CRTAM: variants seen among roughly 807,000 people sequenced by gnomAD.
CRTAM encodes the protein cytotoxic and regulatory T cell molecule, also known as cytotoxic and regulatory T-cell molecule.
Under a neutral mutation model 50.0 loss-of-function variants are expected in CRTAM, and 44 were observed. The observed-to-expected ratio is 0.88, with a 90% CI of 0.69 to 1.13. The LOEUF is 1.13. Among genes scored for constraint, CRTAM ranks in the 50% most tolerant of loss-of-function variants. The pLI is 0.00. For synonymous variants in CRTAM, 159 were observed against 169.3 expected (o/e 0.94, Z 0.47); for missense variants, 448 against 457.5 (o/e 0.98, Z 0.19).
intron 1 of CRTAM, among the ~76,000 whole-genome samples, chr11:122,846,524 G>C (rs756454523): frequency 2.6e-5 from 4 of 152,046 alleles, no homozygotes; most frequent in African/African-American, 4.8e-5. Context: ...CCTGACCTCA[G>C]GTGATCTGCT....
chr11:122,856,812 C>A (rs1035642531), intron 5 of CRTAM, among the ~76,000 whole-genome samples: 1 of 152,166 alleles, frequency 6.6e-6, no homozygotes, highest in African/African-American at 2.4e-5. Flanking sequence ...CACTTTCTCA[C>A]CAAACCAAAA....
At chr11:122,850,036 G>A (rs1332969817) in intron 1 of CRTAM, 32 bp from the exon 2 acceptor site, 3 of 1,556,794 alleles carry the variant, frequency 1.9e-6, no homozygotes, top group Non-Finnish European at 8.7e-7. Context: ...TGGACCCCCG[G>A]CCTGATCATC....
Position 122,867,562 on chromosome 11 carries a change from G to C in CRTAM, c.964+7G>C. 1 of 1,611,258 alleles carries C rather than the reference G, an allele frequency of 6.2e-7. No homozygotes were observed. The highest frequency in any genetic ancestry group is 1.3e-5 in the African/African-American group (1 of 74,904). On this transcript the variant is annotated splice_region_variant and intron_variant, in intron 8 of 9. Coordinates refer to ENST00000227348, the MANE Select transcript of CRTAM (RefSeq NM_019604.4). ...CATGTGATATGGAAGAAAGGTCAGT[G>C]GGCAGGGAACCTGACGGGGGCTATA...
intron 1 of CRTAM, among the ~76,000 whole-genome samples, chr11:122,844,350 A>G (rs997373457): frequency 1.3e-5 from 2 of 152,258 alleles, no homozygotes; most frequent in Non-Finnish European, 1.5e-5. Flanking sequence ...CACCACTCCC[A>G]TCTTACCCAA....
At chr11:122,842,114 A>G (rs1265089663) in intron 1 of CRTAM, among the ~76,000 whole-genome samples, 1 of 152,252 alleles carries the variant, frequency 6.6e-6, no homozygotes, top group African/African-American at 2.4e-5. Flanking sequence ...GTGGACATGT[A>G]CAAGGACTAT....
chr11:122,862,654 G>A, intron 6 of CRTAM, 110 bp downstream of exon 6: 1 of 692,426 alleles, frequency 1.4e-6, no homozygotes. Flanking sequence ...TTTTTACTAA[G>A]ACCATACAGG....
intron 5 of CRTAM, among the ~76,000 whole-genome samples, chr11:122,861,341 C>A (rs184415726): frequency 8.8e-6 from 1 of 114,136 alleles, no homozygotes; most frequent in Non-Finnish European, 1.7e-5. Flanking sequence ...CCACCTGTGA[C>A]GTGTCAGTAT....
chr11:122,846,020 C>T (rs1347260327), intron 1 of CRTAM, among the ~76,000 whole-genome samples: 1 of 151,936 alleles, frequency 6.6e-6, no homozygotes, highest in Non-Finnish European at 1.5e-5. Context: ...AGAAAAAAAA[C>T]AATGATGGTA....
chr11:122,869,517 G>A (rs1192577013), intron 9 of CRTAM, among the ~76,000 whole-genome samples: 1 of 152,182 alleles, frequency 6.6e-6, no homozygotes, highest in African/African-American at 2.4e-5. Context: ...ATTGTGTATG[G>A]GAAGTGGAGG....
intron 5 of CRTAM, among the ~76,000 whole-genome samples, chr11:122,858,661 C>CT (rs1490412262): frequency 1.3e-5 from 2 of 152,070 alleles, no homozygotes; most frequent in East Asian, 3.9e-4. Context: ...TCCTGGGTAG[C>CT]TGGGACTACA....
rs746797928 is a variant in CRTAM, at chr11:122,871,529, C to T, written c.*130C>T. On this transcript the variant is annotated 3_prime_UTR_variant, in exon 10 of 10. Coordinates refer to ENST00000227348, the MANE Select transcript of CRTAM (RefSeq NM_019604.4). The stretch of plus-strand genomic sequence containing the variant: ...TTAGTGCAATGCAAGATGGTGTCCT[C>T]GGATAATGATCTGCCCCGGAGCTAG... The T allele has an allele frequency of 1.2e-5, 8 of 674,524 alleles. No individual in the cohort carries two copies. The highest frequency in any genetic ancestry group is 1.4e-5 in the Non-Finnish European group (6 of 429,092). The allele number at this position is 674,524 out of a possible 1,614,324, so 41.8% of individuals were successfully genotyped here. A position where few individuals can be genotyped will look rare whatever the true frequency, so the allele number is the denominator to read the frequency against.
At chr11:122,869,779 G>C (rs559064386) in intron 9 of CRTAM, among the ~76,000 whole-genome samples, 1 of 152,312 alleles carries the variant, frequency 6.6e-6, no homozygotes, top group East Asian at 1.9e-4. Context: ...GAACTGAAAA[G>C]AATGAATAGA....
chr11:122,863,450 T>G (rs1862126159), intron 6 of CRTAM, among the ~76,000 whole-genome samples: 1 of 152,198 alleles, frequency 6.6e-6, no homozygotes, highest in African/African-American at 2.4e-5. Context: ...TTCCTACATA[T>G]TCTCTTTCCA....
At chr11:122,843,046 T>C (rs780662180) in intron 1 of CRTAM, among the ~76,000 whole-genome samples, 18 of 152,184 alleles carry the variant, frequency 1.2e-4, no homozygotes, top group Non-Finnish European at 2.1e-4. Flanking sequence ...TGATAGTCTA[T>C]AGTAGAGGTA....
intron 3 of CRTAM, among the ~76,000 whole-genome samples, chr11:122,853,197 A>G (rs537798118): frequency 2.6e-5 from 4 of 151,754 alleles, no homozygotes; most frequent in African/African-American, 9.7e-5. Context: ...CCTCCCGAGT[A>G]GCTGGGACTA....
intron 3 of CRTAM, among the ~76,000 whole-genome samples, chr11:122,853,139 C>T (rs1324184987): frequency 6.6e-6 from 1 of 151,436 alleles, no homozygotes. Flanking sequence ...ACTCGGCTTA[C>T]TGCACACAAC....
Position 122,851,849 on chromosome 11 carries a change from G to A in CRTAM, c.346+4G>A. On this transcript the variant is annotated splice_donor_region_variant and intron_variant, in intron 3 of 9. Coordinates refer to ENST00000227348, the MANE Select transcript of CRTAM (RefSeq NM_019604.4). ...GAAGTGAAAGTGATTGTGCTGGGTA[G>A]GTACCTGCAAGTGAACCCAGTAGGG... 6.2e-7 allele frequency: 1 copy of A among 1,613,674 alleles called. No homozygotes were observed. Among genetic ancestry groups the A allele is most frequent in the South Asian group, 1.1e-5 (1 of 91,016 alleles).
intron 7 of CRTAM, 103 bp downstream of exon 7, chr11:122,864,822 G>T: frequency 1.2e-6 from 1 of 812,738 alleles, no homozygotes; most frequent in African/African-American, 1.7e-5. Context: ...TGACCTTTCT[G>T]CCCTTTAGGA....
Position 122,872,583 on chromosome 11 carries a change from G to A in CRTAM, c.*1184G>A, listed in dbSNP as rs1427621025. The A allele has an allele frequency of 2.0e-5, 3 of 152,660 alleles. No individual in the cohort carries two copies. Among genetic ancestry groups the A allele is most frequent in the South Asian group, 2.1e-4 (1 of 4,812 alleles). 9.5% of individuals were successfully genotyped at this position (152,660 alleles called of 1,614,324 possible). On this transcript the variant is annotated 3_prime_UTR_variant, in exon 10 of 10. Coordinates refer to ENST00000227348, the MANE Select transcript of CRTAM (RefSeq NM_019604.4). Reference sequence around the variant, plus strand: ...TATTTAAGCTATACAGCAAACTTTGGCATTTATGTGGAGCATTTCTCATTG... The same window carrying A: ...TATTTAAGCTATACAGCAAACTTTGACATTTATGTGGAGCATTTCTCATTG...
Sources: allele counts gnomAD v4.1 joint callset (sites outside exome capture counted in the v4.1 genomes callset), GRCh38; gene constraint gnomAD v4.1.1; transcripts MANE v1.5; gene names NCBI Gene and HGNC (gene_info 2026-07-23, HGNC 2026-07-21).